The following KLHL1 variants were observed in gnomAD, a reference collection of about 807,000 sequenced individuals.
KLHL1 encodes kelch like family member 1.
In KLHL1, 47 loss-of-function variants were observed where a neutral mutation model predicts 77.7. The ratio of observed to expected loss-of-function variants is 0.60; its 90% CI spans 0.48 to 0.77. The LOEUF (loss-of-function observed/expected upper bound fraction) is 0.77. Ranked by LOEUF, KLHL1 falls within the 30% of genes least tolerant of loss-of-function variation. The pLI is 0.00. For synonymous variants in KLHL1, 360 were observed against 325.2 expected, an observed-to-expected ratio of 1.11 and a Z score of -1.15; for missense variants, 925 against 910.8, an observed-to-expected ratio of 1.02 and a Z score of -0.20.
intron 4 of KLHL1, among the ~76,000 whole-genome samples, chr13:69,905,340 A>C (rs1882010677): frequency 6.6e-6 from 1 of 152,118 alleles, no homozygotes; most frequent in African/African-American, 2.4e-5. Flanking sequence ...TAAAAATTGT[A>C]TGTCAATAAG....
chr13:69,907,439 A>T (rs2138237256), intron 4 of KLHL1, among the ~76,000 whole-genome samples: 1 of 152,092 alleles, frequency 6.6e-6, no homozygotes, highest in South Asian at 2.1e-4. Flanking sequence ...TAAAAATTTT[A>T]AGAATTTATA....
intron 6 of KLHL1, among the ~76,000 whole-genome samples, chr13:69,814,340 G>A (rs1878029024): frequency 6.6e-6 from 1 of 151,902 alleles, no homozygotes. Flanking sequence ...CCAATAATTG[G>A]CAAATAATGT....
intron 8 of KLHL1, among the ~76,000 whole-genome samples, chr13:69,731,004 A>C (rs1391569528): frequency 6.6e-6 from 1 of 152,072 alleles, no homozygotes; most frequent in African/African-American, 2.4e-5. Context: ...CTTCCAAATT[A>C]AGTGTCTTTA....
At chr13:70,083,116 T>C (rs1313105186) in intron 1 of KLHL1, among the ~76,000 whole-genome samples, 1 of 151,784 alleles carries the variant, frequency 6.6e-6, no homozygotes, top group African/African-American at 2.4e-5. Flanking sequence ...ACATAAGAAG[T>C]ACAACAAAAA....
At chr13:69,718,887 G>A (rs1872898324) in intron 9 of KLHL1, among the ~76,000 whole-genome samples, 1 of 152,052 alleles carries the variant, frequency 6.6e-6, no homozygotes, top group Non-Finnish European at 1.5e-5. Flanking sequence ...TGTTAAAAAT[G>A]GTATGTCATA....
chr13:69,839,306 CAAAT>C, intron 5 of KLHL1, 144 bp from the exon 6 acceptor site: 1 of 464,348 alleles, frequency 2.2e-6, no homozygotes, highest in South Asian at 5.3e-5. Flanking sequence ...ATTACAGTAA[CAAAT>C]AAAAATGTAT....
chr13:69,803,950 G>C (rs1877502485), intron 6 of KLHL1, among the ~76,000 whole-genome samples: 1 of 152,170 alleles, frequency 6.6e-6, no homozygotes, highest in Non-Finnish European at 1.5e-5. Flanking sequence ...GTGTGATCTT[G>C]AGCAGAGAAT....
At chr13:69,732,867 G>A (rs1037465337) in intron 8 of KLHL1, among the ~76,000 whole-genome samples, 5 of 152,054 alleles carry the variant, frequency 3.3e-5, no homozygotes, top group African/African-American at 1.2e-4. Context: ...TCTGAGACTA[G>A]CTCCAGCTAA....
chr13:69,864,814 C>T (rs1263534719), intron 5 of KLHL1, among the ~76,000 whole-genome samples: 6 of 152,082 alleles, frequency 3.9e-5, no homozygotes, highest in Non-Finnish European at 8.8e-5. Flanking sequence ...ACACATACCT[C>T]TAAATGATCT....
At chr13:69,708,690 C>A (rs1875743270) in intron 9 of KLHL1, among the ~76,000 whole-genome samples, 1 of 151,858 alleles carries the variant, frequency 6.6e-6, no homozygotes, top group Admixed American at 6.6e-5. Flanking sequence ...AGTAGCAAAA[C>A]CCTGAAGACT....
intron 9 of KLHL1, among the ~76,000 whole-genome samples, chr13:69,715,261 G>C (rs1876064866): frequency 6.6e-6 from 1 of 152,168 alleles, no homozygotes; most frequent in Non-Finnish European, 1.5e-5. Context: ...GGTGCTGAGG[G>C]AGAAACTTGG....
chr13:69,734,533 A>G (rs1424458237), intron 8 of KLHL1, among the ~76,000 whole-genome samples: 2 of 152,198 alleles, frequency 1.3e-5, no homozygotes, highest in African/African-American at 4.8e-5. Flanking sequence ...GAAAATTATT[A>G]AGAAAATAAG....
intron 1 of KLHL1, among the ~76,000 whole-genome samples, chr13:70,086,735 T>C (rs1326286414): frequency 6.6e-6 from 1 of 151,198 alleles, no homozygotes; most frequent in Admixed American, 6.6e-5. Context: ...ATCTTACCTC[T>C]TATATGTAGT....
chr13:69,780,714 ATG>A (rs67352745), intron 7 of KLHL1, among the ~76,000 whole-genome samples: 7,959 of 33,180 alleles, frequency 0.24, 736 homozygotes, highest in South Asian at 0.27. Context: ...ATATATATAT[ATG>A]TATATATATA....
chr13:69,806,892 C>A (rs1877640331), intron 6 of KLHL1, among the ~76,000 whole-genome samples: 1 of 152,166 alleles, frequency 6.6e-6, no homozygotes, highest in African/African-American at 2.4e-5. Flanking sequence ...ACCCACGCAA[C>A]CTCTGGTAGG....
chr13:70,098,281 T>C (rs1887841059), intron 1 of KLHL1, among the ~76,000 whole-genome samples: 1 of 151,878 alleles, frequency 6.6e-6, no homozygotes, highest in Admixed American at 6.6e-5. Context: ...CTTAGAGTAA[T>C]TTAGAAAAGC....
chr13:69,971,299 T>C (rs1884374144), intron 2 of KLHL1, among the ~76,000 whole-genome samples: 3 of 151,584 alleles, frequency 2.0e-5, no homozygotes, highest in Admixed American at 6.6e-5. Context: ...GTGTTAACTA[T>C]CATCATCATC....
chr13:69,705,262 C>T (rs1566350099), intron 10 of KLHL1, among the ~76,000 whole-genome samples: 2 of 151,366 alleles, frequency 1.3e-5, no homozygotes. Flanking sequence ...TGTTCAATGA[C>T]AAAAGTCAAA....
chr13:69,755,375 C>T (rs1593800281), intron 7 of KLHL1, among the ~76,000 whole-genome samples: 1 of 151,940 alleles, frequency 6.6e-6, no homozygotes, highest in East Asian at 2.0e-4. Flanking sequence ...TCCTGTACAG[C>T]CTGCAGAACC....
Sources: allele counts gnomAD v4.1 joint callset (sites outside exome capture counted in the v4.1 genomes callset), GRCh38; gene constraint gnomAD v4.1.1; transcripts MANE v1.5; gene names NCBI Gene and HGNC (gene_info 2026-07-23, HGNC 2026-07-21).